Variants in TSPAN18 observed in about 807,000 individuals in gnomAD.
The protein encoded by TSPAN18 is tetraspanin-18.
Under a neutral mutation model 27.3 loss-of-function variants are expected in TSPAN18, and 14 were observed. The ratio of observed to expected loss-of-function variants is 0.51; its 90% CI spans 0.34 to 0.80. TSPAN18 has a LOEUF of 0.80. TSPAN18 is among the 30% of genes least tolerant of loss of function. The pLI is 0.01. For synonymous variants in TSPAN18, 143 were observed against 136.5 expected, an observed-to-expected ratio of 1.05 and a Z score of -0.33; for missense variants, 268 against 323.9, an observed-to-expected ratio of 0.83 and a Z score of 1.32.
At chr11:44,853,315 G>A (rs1227381099) in intron 2 of TSPAN18, among the ~76,000 whole-genome samples, 1 of 152,046 alleles carries the variant, frequency 6.6e-6, no homozygotes, top group East Asian at 1.9e-4. Context: ...AGAAGGGAGG[G>A]GCCTCATTGA....
chr11:44,918,126 C>T, intron 6 of TSPAN18, 80 bp downstream of exon 6: 1 of 1,414,492 alleles, frequency 7.1e-7, no homozygotes, highest in Non-Finnish European at 9.9e-7. Flanking sequence ...CTCCTCCCCT[C>T]CTTGAAGGGT....
chr11:44,825,515 A>G (rs1438775576), intron 2 of TSPAN18, among the ~76,000 whole-genome samples: 1 of 152,094 alleles, frequency 6.6e-6, no homozygotes, highest in Non-Finnish European at 1.5e-5. Flanking sequence ...GTGGGCTCTC[A>G]GGCTCCAGCA....
intron 2 of TSPAN18, among the ~76,000 whole-genome samples, chr11:44,816,427 G>T (rs1476603010): frequency 6.6e-6 from 1 of 152,218 alleles, no homozygotes; most frequent in Non-Finnish European, 1.5e-5. Flanking sequence ...CGAGTGCTAT[G>T]TGTGCTCTGG....
intron 1 of TSPAN18, among the ~76,000 whole-genome samples, chr11:44,730,814 A>T (rs986711259): frequency 7.8e-6 from 1 of 127,788 alleles, no homozygotes; most frequent in Admixed American, 7.9e-5. Context: ...TTTAGTAGAG[A>T]CGGGTTTCAC....
intron 1 of TSPAN18, among the ~76,000 whole-genome samples, chr11:44,742,634 C>T (rs576481448): frequency 6.6e-6 from 1 of 152,282 alleles, no homozygotes; most frequent in South Asian, 2.1e-4. Context: ...TCTTCCTTGT[C>T]TCGGGCCTGC....
At chr11:44,743,679 G>A (rs532038816) in intron 1 of TSPAN18, among the ~76,000 whole-genome samples, 6 of 152,238 alleles carry the variant, frequency 3.9e-5, no homozygotes, top group Admixed American at 1.3e-4. Flanking sequence ...TGCCACCTCT[G>A]AGAGCAACAC....
intron 3 of TSPAN18, among the ~76,000 whole-genome samples, chr11:44,867,213 G>A (rs1167879176): frequency 2.6e-5 from 4 of 151,842 alleles, no homozygotes; most frequent in East Asian, 1.9e-4. Flanking sequence ...GGTGAGGCCC[G>A]GCACCCTGGG....
intron 3 of TSPAN18, among the ~76,000 whole-genome samples, chr11:44,866,697 A>G (rs562897169): frequency 2.0e-5 from 3 of 152,266 alleles, no homozygotes; most frequent in South Asian, 4.2e-4. Flanking sequence ...TGATCTCCAG[A>G]AACACTCTCC....
chr11:44,838,963 T>C (rs2135160505), intron 2 of TSPAN18, among the ~76,000 whole-genome samples: 1 of 152,354 alleles, frequency 6.6e-6, no homozygotes, highest in South Asian at 2.1e-4. Context: ...AATCAAATCC[T>C]CATCTAGGTA....
intron 3 of TSPAN18, among the ~76,000 whole-genome samples, chr11:44,881,619 G>A (rs1858491597): frequency 6.6e-6 from 1 of 152,208 alleles, no homozygotes; most frequent in Non-Finnish European, 1.5e-5. Context: ...TCCGCCACCT[G>A]TAGCCCAGCA....
At chr11:44,817,872 C>A (rs1307446686) in intron 2 of TSPAN18, among the ~76,000 whole-genome samples, 2 of 152,234 alleles carry the variant, frequency 1.3e-5, no homozygotes, top group South Asian at 4.1e-4. Context: ...GGTCACCTGA[C>A]CACTGTGGTC....
chr11:44,920,993 A>G (rs367711243), intron 8 of TSPAN18, among the ~76,000 whole-genome samples: 103 of 152,322 alleles, frequency 6.8e-4, no homozygotes, highest in African/African-American at 2.3e-3. Flanking sequence ...GTCCCAGAGG[A>G]GGTGACAGTG....
intron 3 of TSPAN18, among the ~76,000 whole-genome samples, chr11:44,865,563 G>A (rs551081397): frequency 3.7e-4 from 56 of 152,312 alleles, no homozygotes; most frequent in Non-Finnish European, 7.2e-4. Flanking sequence ...CAAATGATCT[G>A]GAAGGATTTA....
Position 44,903,616 on chromosome 11 carries a change from G to C in TSPAN18, c.-10-2791G>C, listed in dbSNP as rs755247463. ...GCTGCAGCCATGTCTGGATGAGAGA[G>C]AAGGCCAGGAGCAGGGCTGAGGCTG... On this transcript the variant is annotated intron_variant, in intron 3 of 9. Transcript: ENST00000520358. The C allele has an allele frequency of 1.7e-4, 78 of 456,578 alleles. 1 individual carries two copies. The highest frequency in any genetic ancestry group is 1.1e-3 in the South Asian group (74 of 64,582). 28.3% of individuals were successfully genotyped at this position (456,578 alleles called of 1,614,324 possible).
chr11:44,834,629 G>T (rs1282181965), intron 2 of TSPAN18, among the ~76,000 whole-genome samples: 1 of 152,162 alleles, frequency 6.6e-6, no homozygotes, highest in Non-Finnish European at 1.5e-5. Flanking sequence ...AGGCAGGCAG[G>T]CTCAGCACCA....
At chr11:44,870,287 C>G (rs1321295692) in intron 3 of TSPAN18, among the ~76,000 whole-genome samples, 1 of 152,216 alleles carries the variant, frequency 6.6e-6, no homozygotes, top group Non-Finnish European at 1.5e-5. Flanking sequence ...CCAGTCTACT[C>G]TGTGTATCTA....
intron 3 of TSPAN18, among the ~76,000 whole-genome samples, chr11:44,893,635 A>G (rs1038721227): frequency 6.6e-6 from 1 of 152,206 alleles, no homozygotes; most frequent in Admixed American, 6.5e-5. Flanking sequence ...AAACCTGGCT[A>G]CAAATCCCAG....
intron 2 of TSPAN18, among the ~76,000 whole-genome samples, chr11:44,797,958 C>T (rs1334749305): frequency 1.3e-5 from 2 of 152,198 alleles, no homozygotes; most frequent in Non-Finnish European, 2.9e-5. Flanking sequence ...CAAATAAAGG[C>T]TCTGATAAGT....
At position 44,819,701 on chromosome 11, in the gene TSPAN18, CT is replaced by C. The variant is rs11378177; in HGVS notation, c.-152-40616del. Among the ~76,000 whole-genome samples, 1,194 of 143,896 alleles carry C rather than the reference CT, an allele frequency of 8.3e-3. 8 individuals are homozygous for C. Among genetic ancestry groups the C allele is most frequent in the African/African-American group, 0.011 (434 of 39,156 alleles). The allele number at this position is 143,896 out of a possible 152,430, so 94.4% of individuals were successfully genotyped here. ...TTTCCATTTTCTTGAGCTTGGAAGG[CT>C]TTTTTTTTTTCCTCTTTCCTTTCCT... On this transcript the variant is annotated intron_variant, in intron 2 of 9. Coordinates refer to ENST00000520358, the MANE Select transcript of TSPAN18 (RefSeq NM_130783.5).
Sources: gnomAD v4.1 joint callset for allele counts (sites outside exome capture counted in the v4.1 genomes callset) on GRCh38, gnomAD v4.1.1 for gene constraint, MANE v1.5 for transcripts, NCBI Gene and HGNC (gene_info 2026-07-23, HGNC 2026-07-21) for gene names.